The following ITPKB variants were observed in gnomAD, a reference collection of about 807,000 sequenced individuals.
ITPKB encodes the protein IP3 3-kinase B.
A neutral mutation model predicts 69.4 loss-of-function variants in ITPKB; 13 were observed. That is an observed-to-expected ratio of 0.19 (90% CI 0.12 to 0.30). The LOEUF (loss-of-function observed/expected upper bound fraction) is 0.30, where lower values mean the gene tolerates loss of function less well. ITPKB is among the 10% of genes least tolerant of loss of function. ITPKB has a pLI of 1.00. For synonymous variants in ITPKB, 584 were observed against 513.7 expected (o/e 1.14, Z -1.85); for missense variants, 1,240 against 1,250.5 (o/e 0.99, Z 0.13).
chr1:226,687,274 G>C (rs572488491), intron 2 of ITPKB, among the ~76,000 whole-genome samples: 1 of 152,322 alleles, frequency 6.6e-6, no homozygotes, highest in South Asian at 2.1e-4. Context: ...ATATAGAACC[G>C]TAAGTTATTC....
At chr1:226,691,418 C>T (rs1656350146) in intron 2 of ITPKB, among the ~76,000 whole-genome samples, 1 of 152,064 alleles carries the variant, frequency 6.6e-6, no homozygotes, top group Non-Finnish European at 1.5e-5. Context: ...TGGGGGGACT[C>T]TGCATGCACA....
Position 226,737,368 on chromosome 1 carries a change from T to C in ITPKB, c.91A>G (p.Ser31Gly), listed in dbSNP as rs1558103711. 1.9e-6 allele frequency: 3 copies of C among 1,608,196 alleles called. No homozygotes were observed. In the Admixed American group the frequency reaches 5.0e-5, roughly 27 times the overall value. The change falls in exon 2 of 8, where the codon AGC becomes GGC. Residue 31 changes from serine (S) to glycine (G), a missense_variant. This residue lies in a region of ITPKB where 992 missense variants were observed against 853.8 expected (regional missense o/e 1.16). Transcript: ENST00000429204. Reference protein sequence around the residue: ...KSGGGPGPSGSETPPPPRRAV... With the variant: ...KSGGGPGPSGGETPPPPRRAV... ...CTCCTCGGGGGCGGGGGCGTCTCGC[T>C]GCCACTGGGCCCCGGGCCGCCGCCG...
intron 2 of ITPKB, among the ~76,000 whole-genome samples, chr1:226,709,745 C>T (rs916650173): frequency 3.9e-5 from 6 of 152,242 alleles, no homozygotes; most frequent in Non-Finnish European, 8.8e-5. Flanking sequence ...TACAGGCCCA[C>T]CTGACCTGCA....
At chr1:226,732,979 C>A (rs996525744) in intron 2 of ITPKB, among the ~76,000 whole-genome samples, 2 of 152,138 alleles carry the variant, frequency 1.3e-5, no homozygotes, top group East Asian at 3.8e-4. Context: ...ACAGGAGGCC[C>A]GAAAGGCTTA....
At chr1:226,702,580 T>C (rs1290348482) in intron 2 of ITPKB, among the ~76,000 whole-genome samples, 1 of 152,160 alleles carries the variant, frequency 6.6e-6, no homozygotes, top group East Asian at 1.9e-4. Flanking sequence ...TGACCAAAAT[T>C]GACTACGCTT....
At chr1:226,690,206 G>A (rs934652331) in intron 2 of ITPKB, among the ~76,000 whole-genome samples, 3 of 152,258 alleles carry the variant, frequency 2.0e-5, no homozygotes, top group Non-Finnish European at 2.9e-5. Flanking sequence ...CTTCCATAGT[G>A]GTTGAACTAA....
At position 226,639,551 on chromosome 1, in the gene ITPKB, A is replaced by G; in HGVS notation, c.2553+6T>C. ...GAGAGACCCTCTCTGGAGGTGCCAG[A>G]CTCACCAGGATGTTATGGTTTCCTT... On this transcript the variant is annotated splice_donor_region_variant and intron_variant, in intron 6 of 7. Coordinates refer to ENST00000429204, the MANE Select transcript of ITPKB (RefSeq NM_002221.4). The G allele has an allele frequency of 6.3e-7, 1 of 1,575,280 alleles. No individual in the cohort carries two copies. The highest frequency in any genetic ancestry group is 8.7e-7 in the Non-Finnish European group (1 of 1,144,694).
Position 226,738,567 on chromosome 1 carries a change from C to T in ITPKB, c.-206+474G>A, listed in dbSNP as rs368513516. 9.8e-5 allele frequency among the ~76,000 whole-genome samples: 15 copies of T among 152,320 alleles called. 1 individual carries two copies. In the South Asian group the frequency reaches 3.1e-3, roughly 32 times the overall value. ...GAGGACGCGACTGCCCCTGCGGGCT[C>T]CCGGACCCGCGCCCACTCGGAGGAA... On this transcript the variant is annotated intron_variant, in intron 1 of 7. Coordinates refer to ENST00000429204, the MANE Select transcript of ITPKB (RefSeq NM_002221.4). The surrounding 1 kb of genome is among the most constrained non-coding windows in gnomAD (Gnocchi z 4.2).
intron 2 of ITPKB, among the ~76,000 whole-genome samples, chr1:226,709,057 C>T (rs892647644): frequency 6.6e-6 from 1 of 152,198 alleles, no homozygotes; most frequent in African/African-American, 2.4e-5. Context: ...CAGCAGAGCC[C>T]CAGACGTCTG....
chr1:226,678,499 G>C (rs1655969400), intron 2 of ITPKB, among the ~76,000 whole-genome samples: 1 of 152,226 alleles, frequency 6.6e-6, no homozygotes, highest in African/African-American at 2.4e-5. Flanking sequence ...ATGGTCTCTG[G>C]AGCCAGGCTG....
chr1:226,640,394 T>C (rs1043356445), intron 5 of ITPKB, among the ~76,000 whole-genome samples: 1 of 152,198 alleles, frequency 6.6e-6, no homozygotes, highest in African/African-American at 2.4e-5. Context: ...ACTTCAGCTG[T>C]GTCCTCACTG....
At chr1:226,711,079 G>T (rs1052826370) in intron 2 of ITPKB, among the ~76,000 whole-genome samples, 1 of 152,218 alleles carries the variant, frequency 6.6e-6, no homozygotes, top group Non-Finnish European at 1.5e-5. Flanking sequence ...ATCTTATTAA[G>T]ACATTCTTAT....
At chr1:226,643,516 G>T (rs1231329814) in intron 4 of ITPKB, among the ~76,000 whole-genome samples, 3 of 152,170 alleles carry the variant, frequency 2.0e-5, no homozygotes, top group Non-Finnish European at 4.4e-5. Context: ...CACTCTTCCT[G>T]CATCTGTCTC....
rs373394823 is a variant in ITPKB at position 226,698,828 on chromosome 1, C to A, written c.1932+36699G>T. Among the ~76,000 whole-genome samples the A allele has an allele frequency of 5.9e-5, 9 of 152,256 alleles. 1 individual carries two copies. The East Asian group carries it at 7.7e-4, about 13-fold the overall frequency. ...ATCTGCTGATAGTCTCCAGACAAGA[C>A]TAGCTCTGCTACCCTGGTCATATCT... is the stretch of plus-strand genomic sequence containing the variant. On this transcript the variant is annotated intron_variant, in intron 2 of 7. Coordinates refer to ENST00000429204, the MANE Select transcript of ITPKB (RefSeq NM_002221.4).
chr1:226,707,809 A>T (rs1448584637), intron 2 of ITPKB: 2 of 1,115,120 alleles, frequency 1.8e-6, no homozygotes, highest in South Asian at 4.7e-5. Context: ...TAATTGGCTC[A>T]GTCTTTCCAG....
chr1:226,702,347 G>C (rs1450126096), intron 2 of ITPKB, among the ~76,000 whole-genome samples: 1 of 150,120 alleles, frequency 6.7e-6, no homozygotes, highest in Non-Finnish European at 1.5e-5. Context: ...GCAGTGAGCG[G>C]ACATCACGCC....
intron 2 of ITPKB, among the ~76,000 whole-genome samples, chr1:226,715,051 G>A (rs1657062989): frequency 6.6e-6 from 1 of 152,174 alleles, no homozygotes; most frequent in East Asian, 1.9e-4. Flanking sequence ...AGAATATCTT[G>A]GTTCATAGCC....
At position 226,669,271 on chromosome 1, in the gene ITPKB, C is replaced by G. The variant is rs139882220; in HGVS notation, c.1933-20500G>C. ...TCTCTAGTAAAAATACAAAAATTAGCCGGGCGTGGTGGCGGGCGCCTGGGC... is the reference window on the plus strand; with the variant it reads ...TCTCTAGTAAAAATACAAAAATTAGGCGGGCGTGGTGGCGGGCGCCTGGGC... On this transcript the variant is annotated intron_variant, in intron 2 of 7. Coordinates refer to ENST00000429204, the MANE Select transcript of ITPKB (RefSeq NM_002221.4). The G allele has an allele frequency of 9.5e-3, 1,448 of 152,294 alleles. 12 individuals carry two copies. The highest frequency in any genetic ancestry group is 0.017 in the Middle Eastern group (5 of 298). 9.4% of individuals were successfully genotyped at this position (152,294 alleles called of 1,614,324 possible). A position where few individuals can be genotyped will look rare whatever the true frequency, so the allele number is the denominator to read the frequency against.
At position 226,737,591 on chromosome 1, in the gene ITPKB, T is replaced by C; in HGVS notation, c.-133A>G. The C allele has an allele frequency of 2.0e-5, 23 of 1,178,368 alleles. No individual in the cohort carries two copies. The highest frequency in any genetic ancestry group is 2.4e-5 in the Non-Finnish European group (23 of 955,618). 73.0% of individuals were successfully genotyped at this position (1,178,368 alleles called of 1,614,324 possible). A position where few individuals can be genotyped will look rare whatever the true frequency, so the allele number is the denominator to read the frequency against. ...GGCTCCGCGCGCAGATGGGGCGGCA[T>C]GGCCTGGGCAGCGGGCTGGGGGCAC... On this transcript the variant is annotated 5_prime_UTR_variant, in exon 2 of 8. The change abolishes an upstream ATG in the 5' untranslated region. Transcript: ENST00000429204.
Sources: gnomAD v4.1 joint callset for allele counts (sites outside exome capture counted in the v4.1 genomes callset) on GRCh38, gnomAD v4.1.1 for gene constraint, gnomAD v4.1.1 regional missense constraint, Gnocchi (gnomAD v3.1) non-coding constraint, MANE v1.5 for transcripts, NCBI Gene and HGNC (gene_info 2026-07-23, HGNC 2026-07-21) for gene names.